RARB: variants seen among roughly 807,000 people sequenced by gnomAD.
The protein encoded by RARB is retinoic acid receptor beta.
In RARB, 17 loss-of-function variants were observed where a neutral mutation model predicts 51.9. The observed-to-expected ratio is 0.33, with a 90% confidence interval of 0.22 to 0.49. RARB has a LOEUF of 0.49. RARB is among the 20% of genes least tolerant of loss of function. The pLI is 0.99. For synonymous variants in RARB, 215 were observed against 195.4 expected (o/e 1.10, Z -0.84); for missense variants, 369 against 550.8 (o/e 0.67, Z 3.30).
At chr3:24,859,196 G>A (rs1702694164) in intron 2 of RARB, among the ~76,000 whole-genome samples, 1 of 152,152 alleles carries the variant, frequency 6.6e-6, no homozygotes, top group Non-Finnish European at 1.5e-5. Context: ...GCCAGGAAGA[G>A]CGGAGAGAAA....
At position 24,895,835 on chromosome 3, in the gene RARB, A is replaced by G. The variant is rs531658652; in HGVS notation, c.-380+37083A>G. Among the ~76,000 whole-genome samples the G allele has an allele frequency of 2.6e-5, 4 of 152,324 alleles. No individual in the cohort carries two copies. The South Asian group carries it at 8.3e-4, about 32-fold the overall frequency. On this transcript the variant is annotated intron_variant, in intron 2 of 11. Coordinates refer to the RARB transcript ENST00000383772. ...AGTTCATCAAAAAATGAAGCATAGA[A>G]TAACGTCCAGCACTTCCACAACCAG...
At chr3:25,221,054 C>T in intron 5 of RARB, among the ~76,000 whole-genome samples, 1 of 152,008 alleles carries the variant, frequency 6.6e-6, no homozygotes, top group African/African-American at 2.4e-5. Context: ...CAAATCTATT[C>T]TTTCTTACTT....
At chr3:24,843,688 G>A (rs772471756) in intron 1 of RARB, among the ~76,000 whole-genome samples, 5 of 152,092 alleles carry the variant, frequency 3.3e-5, no homozygotes, top group Admixed American at 2.0e-4. Context: ...TCATTTGGGA[G>A]CCCATCAGGA....
Position 24,988,802 on chromosome 3 carries a change from CTTA to C in RARB, c.-379-71317_-379-71315del, listed in dbSNP as rs200895088. On this transcript the variant is annotated intron_variant, in intron 2 of 11. Coordinates refer to the RARB transcript ENST00000383772. ...TTATCCATTCTCCTATTGATGGCCA[CTTA>C]TTATTTGTTATTATTTTTATTTATT... is the stretch of plus-strand genomic sequence containing the variant. Among the ~76,000 whole-genome samples, 997 of 152,114 alleles carry C rather than the reference CTTA, an allele frequency of 6.6e-3. 23 individuals are homozygous for C. In the East Asian group the frequency reaches 0.086, roughly 13 times the overall value.
chr3:25,205,532 A>G (rs1043960379), intron 5 of RARB, among the ~76,000 whole-genome samples: 2 of 152,122 alleles, frequency 1.3e-5, no homozygotes, highest in African/African-American at 4.8e-5. Context: ...TGGGAGCCAT[A>G]GACTGGAGCT....
At position 25,380,354 on chromosome 3, in the gene RARB, C is replaced by A. The variant is rs1196714146; in HGVS notation, c.179-80839C>A. ...ATCTAAAACAGAACGTTCAGAGTCT[C>A]AGGCTCTGTGACTGGCCTCCAGAGT... On this transcript the variant is annotated intron_variant, in intron 5 of 11. Coordinates refer to the RARB transcript ENST00000383772. Among the ~76,000 whole-genome samples, 4 of 152,174 alleles carry A rather than the reference C, an allele frequency of 2.6e-5. No homozygotes were observed. In the East Asian group the frequency reaches 5.8e-4, roughly 22 times the overall value.
intron 5 of RARB, among the ~76,000 whole-genome samples, chr3:25,251,062 T>A (rs1351564792): frequency 6.6e-6 from 1 of 152,150 alleles, no homozygotes; most frequent in Non-Finnish European, 1.5e-5. Context: ...TGTTCCATTG[T>A]CTGCTTGCTG....
At chr3:25,049,214 C>A (rs540505308) in intron 2 of RARB, among the ~76,000 whole-genome samples, 2 of 152,218 alleles carry the variant, frequency 1.3e-5, no homozygotes, top group South Asian at 4.2e-4. Context: ...TGTGGAAGAA[C>A]TAAGGAACTG....
chr3:25,033,213 C>A (rs1399739623), intron 2 of RARB, among the ~76,000 whole-genome samples: 1 of 152,076 alleles, frequency 6.6e-6, no homozygotes, highest in African/African-American at 2.4e-5. Context: ...AGGTCTAGAG[C>A]TTTCAAAAGA....
At chr3:24,997,333 T>A (rs1697063684) in intron 2 of RARB, among the ~76,000 whole-genome samples, 2 of 152,130 alleles carry the variant, frequency 1.3e-5, no homozygotes, top group Non-Finnish European at 2.9e-5. Context: ...TCCTTCACTT[T>A]CAGCACATGT....
At chr3:24,878,763 C>T (rs1177043944) in intron 2 of RARB, among the ~76,000 whole-genome samples, 1 of 152,134 alleles carries the variant, frequency 6.6e-6, no homozygotes, top group East Asian at 1.9e-4. Context: ...GTCGGGTGAT[C>T]TGCAGATACC....
intron 4 of RARB, among the ~76,000 whole-genome samples, chr3:25,153,122 G>A (rs1204826556): frequency 6.9e-6 from 1 of 145,578 alleles, no homozygotes; most frequent in Non-Finnish European, 1.5e-5. Context: ...AACCAACCAA[G>A]TAATAGAGGC....
intron 2 of RARB, among the ~76,000 whole-genome samples, chr3:25,468,372 C>CT (rs34870919): frequency 0.18 from 14,446 of 81,586 alleles, 1,462 homozygotes; most frequent in African/African-American, 0.25. Flanking sequence ...GGCATTTGGG[C>CT]TTTTTTTTTT....
At chr3:25,233,385 C>A (rs956402718) in intron 5 of RARB, among the ~76,000 whole-genome samples, 1 of 152,070 alleles carries the variant, frequency 6.6e-6, no homozygotes, top group Non-Finnish European at 1.5e-5. Context: ...GTTGACCTTA[C>A]GTCCTGCAAC....
Position 24,974,841 on chromosome 3 carries a change from A to G in RARB, c.-379-85284A>G, listed in dbSNP as rs144768408. The stretch of plus-strand genomic sequence containing the variant: ...AGATGAAAGCTTTGGAAAGGTCTTT[A>G]GACATAGCCGGAAGCTTCATTTGCT... On this transcript the variant is annotated intron_variant, in intron 2 of 11. Transcript: ENST00000383772. Among the ~76,000 whole-genome samples the G allele has an allele frequency of 3.7e-3, 569 of 152,302 alleles. 4 individuals carry two copies. Among genetic ancestry groups the G allele is most frequent in the African/African-American group, 0.013 (550 of 41,566 alleles).
intron 2 of RARB, among the ~76,000 whole-genome samples, chr3:25,057,939 G>C (rs1698471315): frequency 6.6e-6 from 1 of 152,012 alleles, no homozygotes; most frequent in South Asian, 2.1e-4. Flanking sequence ...ATATACTTCT[G>C]AACAATTATC....
At chr3:24,965,547 G>C (rs763358220) in intron 2 of RARB, among the ~76,000 whole-genome samples, 3 of 152,138 alleles carry the variant, frequency 2.0e-5, no homozygotes, top group Non-Finnish European at 4.4e-5. Context: ...CTCCGGGCCA[G>C]ATTGTTCATT....
intron 1 of RARB, among the ~76,000 whole-genome samples, chr3:25,437,358 G>A (rs115126050): frequency 0.01 from 1,532 of 152,192 alleles, 22 homozygotes; most frequent in African/African-American, 0.035. Context: ...AGATGCTGTC[G>A]TGGCACAGTA....
intron 5 of RARB, among the ~76,000 whole-genome samples, chr3:25,345,014 TG>T (rs1308009336): frequency 1.3e-5 from 2 of 152,240 alleles, no homozygotes; most frequent in African/African-American, 4.8e-5. Flanking sequence ...CTTGTTTTTT[TG>T]GTTTACAAAC....
Sources: allele counts gnomAD v4.1 joint callset (sites outside exome capture counted in the v4.1 genomes callset), GRCh38; gene constraint gnomAD v4.1.1; transcripts MANE v1.5; gene names NCBI Gene and HGNC (gene_info 2026-07-23, HGNC 2026-07-21).